The following OPRM1 variants were observed in gnomAD, a reference collection of about 807,000 sequenced individuals.
The protein encoded by OPRM1 is mu-type opioid receptor.
A neutral mutation model predicts 31.8 loss-of-function variants in OPRM1; 27 were observed. The observed-to-expected ratio is 0.85, with a 90% confidence interval of 0.63 to 1.17. The LOEUF is 1.17. Among genes scored for constraint, OPRM1 ranks in the 50% most tolerant of loss-of-function variants. The pLI is 0.00. For missense variants in OPRM1, 536 were observed against 511.1 expected, an observed-to-expected ratio of 1.05 and a Z score of -0.47; for synonymous variants, 196 against 189.9, an observed-to-expected ratio of 1.03 and a Z score of -0.26.
At chr6:154,027,646 A>C (rs994181952) in intron 1 of OPRM1, among the ~76,000 whole-genome samples, 2 of 152,224 alleles carry the variant, frequency 1.3e-5, no homozygotes, top group Non-Finnish European at 2.9e-5. Flanking sequence ...TTAGAACTCT[A>C]TCTGGTATTC....
At chr6:154,224,049 G>A (rs1251130313) in intron 3 of OPRM1, among the ~76,000 whole-genome samples, 1 of 152,198 alleles carries the variant, frequency 6.6e-6, no homozygotes, top group African/African-American at 2.4e-5. Context: ...CCACAACAAA[G>A]CTAGATTGTT....
downstream of OPRM1, among the ~76,000 whole-genome samples, chr6:154,133,567 C>T (rs1490080198): frequency 1.3e-5 from 2 of 152,152 alleles, no homozygotes; most frequent in African/African-American, 2.4e-5. Context: ...GCAAATAATA[C>T]CAAATGGTTT....
Position 154,091,065 on chromosome 6 carries a change from T to A in OPRM1, c.757T>A (p.Cys253Ser). 1 of 1,614,214 alleles carries A rather than the reference T, an allele frequency of 6.2e-7. No individual in the cohort carries two copies. Among genetic ancestry groups the A allele is most frequent in the Non-Finnish European group, 8.5e-7 (1 of 1,180,030 alleles). The change falls in exon 3 of 4, where the codon TGC (cysteine) becomes AGC (serine). Residue 253 changes from cysteine to serine, a missense_variant. Cys to Ser is a moderately radical substitution (Grantham distance 112, BLOSUM62 -1). Transcript: ENST00000330432. ...TATGCCAGTGCTCATCATTACCGTGTGCTATGGACTGATGATCTTGCGCCT... is the reference window on the plus strand; with the variant it reads ...TATGCCAGTGCTCATCATTACCGTGAGCTATGGACTGATGATCTTGCGCCT... ...FIMPVLIITV[C>S]YGLMILRLKS...
intron 3 of OPRM1, among the ~76,000 whole-genome samples, chr6:154,215,938 T>C (rs1193321371): frequency 1.3e-5 from 2 of 152,292 alleles, no homozygotes; most frequent in Admixed American, 1.3e-4. Flanking sequence ...TTTTCACCAC[T>C]GGATTGGAAA....
chr6:154,198,263 TAAGCTCAATACTTTCACCAA>T (rs1415241343), intron 3 of OPRM1, among the ~76,000 whole-genome samples: 1 of 152,162 alleles, frequency 6.6e-6, no homozygotes, highest in Non-Finnish European at 1.5e-5. Context: ...GAGATACAAT[TAAGCTCAATACTTTCACCAA>T]ACGACAGCAA....
chr6:154,177,603 C>T (rs1432941174), intron 3 of OPRM1, among the ~76,000 whole-genome samples: 3 of 152,166 alleles, frequency 2.0e-5, no homozygotes, highest in Non-Finnish European at 4.4e-5. Context: ...CATCTCACGC[C>T]AGTTAGAATG....
At chr6:154,181,261 A>G (rs1027096966) in intron 3 of OPRM1, among the ~76,000 whole-genome samples, 1 of 152,212 alleles carries the variant, frequency 6.6e-6, no homozygotes, top group Non-Finnish European at 1.5e-5. Context: ...AATTTGAGAG[A>G]GAAATCTCCT....
At chr6:154,034,273 G>T (rs572815502), upstream of OPRM1, among the ~76,000 whole-genome samples, 11 of 152,298 alleles carry the variant, frequency 7.2e-5, no homozygotes, top group African/African-American at 2.6e-4. Flanking sequence ...GGCCGGGCGC[G>T]GTGGCTCACG....
rs569221814 is a variant in OPRM1, at chr6:154,121,868, C to G, written c.*3147C>G. ...TACGTTTAAAAGCTAAAAACAAGATCTTTTTGGTAATGCTTCAATTAAATG... is the reference window on the plus strand; with the variant it reads ...TACGTTTAAAAGCTAAAAACAAGATGTTTTTGGTAATGCTTCAATTAAATG... On this transcript the variant is annotated 3_prime_UTR_variant, in exon 4 of 4. Transcript: ENST00000330432. 1.3e-5 allele frequency among the ~76,000 whole-genome samples: 2 copies of G among 152,266 alleles called. No individual in the cohort carries two copies. The highest frequency in any genetic ancestry group is 3.8e-4 in the East Asian group (2 of 5,196).
At chr6:154,093,286 C>T in intron 3 of OPRM1, 6 of 1,613,202 alleles carry the variant, frequency 3.7e-6, no homozygotes, top group Non-Finnish European at 4.2e-6. Flanking sequence ...CCTATACCTT[C>T]CCTGTCTTGC....
At chr6:154,211,640 G>T (rs1235367746) in intron 3 of OPRM1, among the ~76,000 whole-genome samples, 1 of 152,046 alleles carries the variant, frequency 6.6e-6, no homozygotes, top group Non-Finnish European at 1.5e-5. Context: ...TGAAGGTGAT[G>T]GATAAATCTG....
chr6:154,217,939 A>C (rs770059586), intron 3 of OPRM1, among the ~76,000 whole-genome samples: 76 of 152,190 alleles, frequency 5.0e-4, no homozygotes, highest in Non-Finnish European at 5.6e-4. Context: ...AATAAAGAAA[A>C]TATTTCTCTC....
intron 3 of OPRM1, among the ~76,000 whole-genome samples, chr6:154,141,539 G>A (rs1583650640): frequency 6.6e-6 from 1 of 152,222 alleles, no homozygotes; most frequent in Non-Finnish European, 1.5e-5. Flanking sequence ...TTGAGGATGT[G>A]CAGCTGTGAC....
At chr6:154,076,825 A>G (rs1257921996) in intron 1 of OPRM1, among the ~76,000 whole-genome samples, 1 of 152,136 alleles carries the variant, frequency 6.6e-6, no homozygotes, top group Non-Finnish European at 1.5e-5. Context: ...TTTCTTCTCT[A>G]TCATTTCCTT....
chr6:154,061,986 C>T (rs1480092109), intron 1 of OPRM1, among the ~76,000 whole-genome samples: 1 of 152,118 alleles, frequency 6.6e-6, no homozygotes, highest in African/African-American at 2.4e-5. Context: ...AGCTCAATAA[C>T]ATTTTTGTCT....
intron 3 of OPRM1, among the ~76,000 whole-genome samples, chr6:154,094,646 T>C (rs781069361): frequency 6.6e-6 from 1 of 152,144 alleles, no homozygotes; most frequent in African/African-American, 2.4e-5. Flanking sequence ...CCCAGCCTTG[T>C]TCTCATGGTG....
intron 3 of OPRM1, among the ~76,000 whole-genome samples, chr6:154,100,096 T>TTATATATTATCA (rs1583542635): frequency 3.0e-5 from 2 of 66,834 alleles, no homozygotes; most frequent in South Asian, 7.9e-4. Flanking sequence ...TATTATCATA[T>TTATATATTATCA]TATGATATAT....
chr6:154,222,358 A>G (rs1266656764), intron 3 of OPRM1, among the ~76,000 whole-genome samples: 1 of 152,256 alleles, frequency 6.6e-6, no homozygotes, highest in African/African-American at 2.4e-5. Context: ...AGCTAACACC[A>G]GTTTACTAAC....
chr6:154,107,616 A>C (rs553612437), intron 3 of OPRM1: 6 of 718,514 alleles, frequency 8.4e-6, no homozygotes, highest in South Asian at 1.5e-5. Context: ...TGATTTTTAG[A>C]GCTGACTATG....
Sources: allele counts gnomAD v4.1 joint callset (sites outside exome capture counted in the v4.1 genomes callset), GRCh38; gene constraint gnomAD v4.1.1; transcripts MANE v1.5; gene names NCBI Gene and HGNC (gene_info 2026-07-23, HGNC 2026-07-21).